The following RAB3GAP2 variants were observed in gnomAD, a reference collection of about 807,000 sequenced individuals.
RAB3GAP2 encodes rab3 GTPase-activating protein non-catalytic subunit.
Under a neutral mutation model 185.3 loss-of-function variants are expected in RAB3GAP2, and 87 were observed. That is an observed-to-expected ratio of 0.47 (90% CI 0.39 to 0.56). RAB3GAP2 has a LOEUF of 0.56. Among genes scored for constraint, RAB3GAP2 ranks in the 20% least tolerant of loss-of-function variants. The pLI is 0.00. For missense variants in RAB3GAP2, 1,492 were observed against 1,638.2 expected (o/e 0.91, Z 1.54); for synonymous variants, 554 against 576.1 (o/e 0.96, Z 0.55).
chr1:220,171,989 G>A lies in RAB3GAP2; in HGVS notation c.2477C>T (p.Thr826Ile). ...ATTGTTCTCAGACTGAATACAGGCT[G>A]TGCGCATCTGCTGCCACCATGGGGA... ...SVSPWWQQMR[T>I]ACIQSENNGA... The change falls in exon 23 of 35, where the codon ACA becomes ATA. Residue 826 changes from threonine to isoleucine, a missense_variant. Transcript: ENST00000358951. 1 of 1,614,180 alleles carries A rather than the reference G, an allele frequency of 6.2e-7. No homozygotes were observed. The highest frequency in any genetic ancestry group is 8.5e-7 in the Non-Finnish European group (1 of 1,180,022).
chr1:220,184,008 A>G, intron 19 of RAB3GAP2, 28 bp downstream of exon 19: 1 of 1,442,406 alleles, frequency 6.9e-7, no homozygotes. Context: ...AGATTATTTT[A>G]TATAATATAA....
At position 220,151,630 on chromosome 1, in the gene RAB3GAP2, T is replaced by A; in HGVS notation, c.4002A>T (p.Thr1334=). 6.2e-7 allele frequency: 1 copy of A among 1,612,196 alleles called. No homozygotes were observed. The highest frequency in any genetic ancestry group is 8.5e-7 in the Non-Finnish European group (1 of 1,178,206). Residue 1334 remains threonine, a synonymous_variant, in exon 34 of 35, where the codon ACA becomes ACT. Coordinates refer to ENST00000358951, the MANE Select transcript of RAB3GAP2 (RefSeq NM_012414.4). The part of the protein sequence containing the change: ...GMELLARLPP[T]LCTWLKAMDP... ...CCATTGCTTTCAGCCAAGTACACAG[T>A]GTGGGTGGAAGTCTGGCAAGCAGCT...
intron 1 of RAB3GAP2, among the ~76,000 whole-genome samples, chr1:220,248,612 T>TA (rs1276251697): frequency 4.9e-5 from 7 of 144,186 alleles, no homozygotes; most frequent in African/African-American, 2.0e-4. Flanking sequence ...AAATTTGGTT[T>TA]GGTTTTTTTT....
chr1:220,166,124 T>G (rs919872148), intron 26 of RAB3GAP2, among the ~76,000 whole-genome samples: 5 of 152,236 alleles, frequency 3.3e-5, no homozygotes, highest in South Asian at 4.1e-4. Flanking sequence ...GAGGGTGATT[T>G]GAAGGGCATT....
chr1:220,176,984 C>T (rs997841770), intron 21 of RAB3GAP2, among the ~76,000 whole-genome samples: 5 of 152,142 alleles, frequency 3.3e-5, no homozygotes, highest in South Asian at 2.1e-4. Context: ...ACAAAACAGG[C>T]CCCCCAGCCT....
intron 1 of RAB3GAP2, among the ~76,000 whole-genome samples, chr1:220,269,361 C>T (rs1040797619): frequency 7.2e-5 from 11 of 152,256 alleles, no homozygotes; most frequent in Admixed American, 2.0e-4. Flanking sequence ...GTCTCAAGGG[C>T]CTTATACACC....
intron 21 of RAB3GAP2, among the ~76,000 whole-genome samples, chr1:220,181,055 A>T (rs1477640599): frequency 6.6e-6 from 1 of 152,234 alleles, no homozygotes; most frequent in Non-Finnish European, 1.5e-5. Flanking sequence ...TGCAGAAAGT[A>T]TTATAAGTAA....
intron 12 of RAB3GAP2, among the ~76,000 whole-genome samples, chr1:220,193,682 C>T (rs1371085981): frequency 6.6e-6 from 1 of 152,126 alleles, no homozygotes; most frequent in Admixed American, 6.5e-5. Context: ...AATGTCCTCA[C>T]CATCAACTAA....
At chr1:220,157,624 G>A in intron 30 of RAB3GAP2, 136 bp from the exon 31 acceptor site, 1 of 1,075,610 alleles carries the variant, frequency 9.3e-7, no homozygotes, top group South Asian at 1.4e-5. Context: ...AAAACACAAA[G>A]TCTAATTTCA....
At chr1:220,191,833 A>C (rs191941704) in intron 13 of RAB3GAP2, among the ~76,000 whole-genome samples, 1 of 151,914 alleles carries the variant, frequency 6.6e-6, no homozygotes, top group East Asian at 1.9e-4. Flanking sequence ...AAAAAAAGAG[A>C]AAAGATTATA....
Position 220,171,932 on chromosome 1 carries a change from T to G in RAB3GAP2, c.2534A>C (p.His845Pro). ...GAALLSAHVG[H>P]SVAAQISNNM... ...GTTTGATATCTGTGCAGCAACAGAA[T>G]GCCCAACATGCGCAGACAACAGAGC... Residue 845 changes from histidine (H) to proline (P), a missense_variant, in exon 23 of 35, where the codon CAT becomes CCT. Coordinates refer to ENST00000358951, the MANE Select transcript of RAB3GAP2 (RefSeq NM_012414.4). 1 of 1,614,218 alleles carries G rather than the reference T, an allele frequency of 6.2e-7. No individual in the cohort carries two copies. The highest frequency in any genetic ancestry group is 8.5e-7 in the Non-Finnish European group (1 of 1,180,034).
intron 14 of RAB3GAP2, 105 bp downstream of exon 14, chr1:220,190,963 C>T (rs1658606817): frequency 9.0e-7 from 1 of 1,111,852 alleles, no homozygotes; most frequent in South Asian, 1.3e-5. Flanking sequence ...TATTGTAATT[C>T]TCAAACTTGT....
intron 9 of RAB3GAP2, 152 bp downstream of exon 9, chr1:220,202,124 C>G (rs1436136397): frequency 1.3e-6 from 1 of 772,784 alleles, no homozygotes; most frequent in African/African-American, 1.8e-5. Flanking sequence ...GAGATCATGC[C>G]ACTGCACTCC....
intron 8 of RAB3GAP2, among the ~76,000 whole-genome samples, chr1:220,203,109 C>T (rs556089688): frequency 6.6e-6 from 1 of 152,308 alleles, no homozygotes; most frequent in African/African-American, 2.4e-5. Context: ...AGAGCACACA[C>T]ACAGCAAGGT....
chr1:220,200,636 G>A (rs374759089), intron 9 of RAB3GAP2: 11 of 526,622 alleles, frequency 2.1e-5, no homozygotes, highest in Non-Finnish European at 3.9e-5. Context: ...TTAATTAACA[G>A]AGCAGGGAAG....
At chr1:220,268,127 T>C (rs1156348999) in intron 1 of RAB3GAP2, among the ~76,000 whole-genome samples, 3 of 152,164 alleles carry the variant, frequency 2.0e-5, no homozygotes, top group Non-Finnish European at 4.4e-5. Flanking sequence ...CAATAAACAT[T>C]TATAACATTA....
rs532035649 is a variant in RAB3GAP2, at chr1:220,233,260, T to A, written c.116-397A>T. 2.6e-5 allele frequency among the ~76,000 whole-genome samples: 4 copies of A among 152,312 alleles called. No homozygotes were observed. The East Asian group carries it at 7.7e-4, about 29-fold the overall frequency. ...ACGGTGATAAAAAAAACACCTAAAA[T>A]TTCACAGATGTCTTAAAAAAGTAAC... On this transcript the variant is annotated intron_variant, in intron 1 of 34. Transcript: ENST00000358951.
At chr1:220,245,937 A>G (rs1659803214) in intron 1 of RAB3GAP2, among the ~76,000 whole-genome samples, 1 of 152,134 alleles carries the variant, frequency 6.6e-6, no homozygotes. Flanking sequence ...GGGTATTCCA[A>G]CAGACCTGCA....
At chr1:220,167,706 A>G (rs1372402463) in intron 24 of RAB3GAP2, 31 bp from the exon 25 acceptor site, 1 of 1,604,134 alleles carries the variant, frequency 6.2e-7, no homozygotes, top group South Asian at 1.1e-5. Flanking sequence ...AGAAAATAAA[A>G]ATTTACAACA....
Sources: gnomAD v4.1 joint callset for allele counts (sites outside exome capture counted in the v4.1 genomes callset) on GRCh38, gnomAD v4.1.1 for gene constraint, MANE v1.5 for transcripts, NCBI Gene and HGNC (gene_info 2026-07-23, HGNC 2026-07-21) for gene names.